AFF1: variants seen among roughly 807,000 people sequenced by gnomAD.
AFF1 encodes the protein AF4/FMR2 family member 1.
A neutral mutation model predicts 121.7 loss-of-function variants in AFF1; 48 were observed. The observed-to-expected ratio is 0.39, with a 90% CI of 0.31 to 0.50. The LOEUF (loss-of-function observed/expected upper bound fraction) is 0.50, where lower values mean the gene tolerates loss of function less well. Among genes scored for constraint, AFF1 ranks in the 20% least tolerant of loss-of-function variants. The pLI, the probability that AFF1 is intolerant of heterozygous loss-of-function variation, is 0.76. For synonymous variants in AFF1, 613 were observed against 563.0 expected, an observed-to-expected ratio of 1.09 and a Z score of -1.26; for missense variants, 1,523 against 1,511.7, an observed-to-expected ratio of 1.01 and a Z score of -0.12.
chr4:87,046,307 A>G (rs1300540560), intron 3 of AFF1, 21 bp downstream of exon 3: 1 of 1,604,086 alleles, frequency 6.2e-7, no homozygotes, highest in South Asian at 1.1e-5. Flanking sequence ...AACACTAGAC[A>G]TTGAAGTCCT....
intron 2 of AFF1, chr4:87,007,349 A>C: frequency 6.2e-7 from 1 of 1,610,910 alleles, no homozygotes; most frequent in South Asian, 1.1e-5. Context: ...CGCTGGCAGC[A>C]GGGCCCGCGG....
At chr4:87,040,045 C>T (rs1416497474) in intron 2 of AFF1, among the ~76,000 whole-genome samples, 1 of 152,156 alleles carries the variant, frequency 6.6e-6, no homozygotes, top group Admixed American at 6.5e-5. Flanking sequence ...GCACGTGCCA[C>T]TACGCCCGGT....
Position 86,984,048 on chromosome 4 carries a change from AAAAG to A in AFF1, c.38+35481_38+35484del, listed in dbSNP as rs1416997194. Reference sequence around the variant, plus strand: ...CGAGACTCCATCTCAAAAAAAAAGAAAAAGAAAAAAGAAATGCTTTGCCAATGTA... The same window carrying A: ...CGAGACTCCATCTCAAAAAAAAAGAAAAAAAAGAAATGCTTTGCCAATGTA... On this transcript the variant is annotated intron_variant, in intron 2 of 20. Coordinates refer to ENST00000395146, the MANE Select transcript of AFF1 (RefSeq NM_001166693.3). 4.6e-5 allele frequency among the ~76,000 whole-genome samples: 7 copies of A among 152,324 alleles called. No individual in the cohort carries two copies. The East Asian group carries it at 7.7e-4, about 17-fold the overall frequency.
At chr4:87,050,217 G>A (rs1731134124) in intron 4 of AFF1, among the ~76,000 whole-genome samples, 1 of 145,202 alleles carries the variant, frequency 6.9e-6, no homozygotes, top group Non-Finnish European at 1.5e-5. Flanking sequence ...GCTGTCTCTT[G>A]GTAGAGCTGG....
intron 4 of AFF1, among the ~76,000 whole-genome samples, chr4:87,066,767 C>G (rs944961033): frequency 1.3e-5 from 2 of 152,184 alleles, no homozygotes; most frequent in South Asian, 4.1e-4. Flanking sequence ...CATTCTCAAC[C>G]CAACCCTGAA....
At position 86,971,840 on chromosome 4, in the gene AFF1, T is replaced by TA. The variant is rs547926101; in HGVS notation, c.38+23272dup. 2.4e-4 allele frequency among the ~76,000 whole-genome samples: 36 copies of TA among 152,198 alleles called. No homozygotes were observed. In the South Asian group the frequency reaches 6.0e-3, roughly 25 times the overall value. On this transcript the variant is annotated intron_variant, in intron 2 of 20. Coordinates refer to ENST00000395146, the MANE Select transcript of AFF1 (RefSeq NM_001166693.3). ...GACAGCAGGTATTTCAACTGGGTGT[T>TA]AAAGTTTGAAGGGGCGCTGGGTAGG...
At chr4:87,127,535 C>T in intron 15 of AFF1, 108 bp from the exon 16 acceptor site, 1 of 975,524 alleles carries the variant, frequency 1.0e-6, no homozygotes, top group Non-Finnish European at 1.6e-6. Flanking sequence ...TTTACCCTCT[C>T]TCCTCCCCTT....
chr4:87,119,406 C>G (rs1036653368), intron 12 of AFF1, among the ~76,000 whole-genome samples: 1 of 151,522 alleles, frequency 6.6e-6, no homozygotes, highest in African/African-American at 2.4e-5. Context: ...CTGTGAGACA[C>G]TGTCTCTGAA....
chr4:87,063,478 A>G (rs1408325941), intron 4 of AFF1, among the ~76,000 whole-genome samples: 1 of 151,934 alleles, frequency 6.6e-6, no homozygotes, highest in East Asian at 1.9e-4. Flanking sequence ...GCCTCAGGTG[A>G]TCCGCCCACC....
At chr4:87,135,489 C>G in intron 20 of AFF1, 91 bp from the exon 21 acceptor site, 1 of 1,337,170 alleles carries the variant, frequency 7.5e-7, no homozygotes, top group South Asian at 1.7e-5. Context: ...TGGGGACCTA[C>G]CTTCTGGAAC....
At chr4:86,946,285 AT>A (rs1720853232) in intron 1 of AFF1, among the ~76,000 whole-genome samples, 1 of 152,100 alleles carries the variant, frequency 6.6e-6, no homozygotes, top group African/African-American at 2.4e-5. Flanking sequence ...ACATCTATAT[AT>A]TTTACTGAAT....
intron 2 of AFF1, among the ~76,000 whole-genome samples, chr4:86,967,205 G>T (rs1466745020): frequency 1.3e-5 from 2 of 152,210 alleles, no homozygotes; most frequent in Admixed American, 1.3e-4. Context: ...GGAAGAGGCA[G>T]TTAGGCAGAA....
intron 1 of AFF1, among the ~76,000 whole-genome samples, chr4:86,940,749 G>T (rs1394380425): frequency 1.3e-5 from 2 of 152,050 alleles, no homozygotes; most frequent in Non-Finnish European, 2.9e-5. Context: ...TTCACAGGGA[G>T]ATTTTATCTT....
Position 87,132,279 on chromosome 4 carries a change from G to C in AFF1, c.3182G>C (p.Cys1061Ser), listed in dbSNP as rs765047252. 1.2e-6 allele frequency: 2 copies of C among 1,612,238 alleles called. No homozygotes were observed. Among genetic ancestry groups the C allele is most frequent in the South Asian group, 1.1e-5 (1 of 90,622 alleles). The stretch of plus-strand genomic sequence containing the variant: ...TCTGTCTTTGTTCATAGCATGCGTT[G>C]CCAGTCCATTTTGAACATGGCGATG... ...EKIFAVLCMR[C>S]QSILNMAMFR... The change falls in exon 19 of 21, where the codon TGC becomes TCC. Residue 1061 changes from cysteine to serine, a missense_variant. By Grantham distance (112) the Cys-to-Ser change is moderately radical (BLOSUM62 -1). Transcript: ENST00000395146.
chr4:87,026,841 G>A (rs1728579498), intron 2 of AFF1, among the ~76,000 whole-genome samples: 1 of 152,116 alleles, frequency 6.6e-6, no homozygotes, highest in African/African-American at 2.4e-5. Flanking sequence ...TTATATACCA[G>A]ATGTAACTCA....
At chr4:87,042,975 T>C (rs1730305582) in intron 2 of AFF1, among the ~76,000 whole-genome samples, 1 of 152,202 alleles carries the variant, frequency 6.6e-6, no homozygotes, top group Non-Finnish European at 1.5e-5. Context: ...GTAATGTAAC[T>C]TCGTTAAAGG....
Position 87,126,300 on chromosome 4 carries a change from A to G in AFF1, c.2775A>G (p.Val925=), listed in dbSNP as rs151021071. 2.5e-5 allele frequency: 40 copies of G among 1,614,038 alleles called. No individual in the cohort carries two copies. Among genetic ancestry groups the G allele is most frequent in the Admixed American group, 8.3e-5 (5 of 60,002 alleles). The change falls in exon 14 of 21, where the codon GTA becomes GTG. Residue 925 remains valine (V), a synonymous_variant. Transcript: ENST00000395146. ...CTTCCATTCCCAAGCAGAGAAGAGT[A>G]GAGGGGAAGGGCTCCAGAAGCTCCT... ...KDSSIPKQRR[V]EGKGSRSSSE...
intron 2 of AFF1, among the ~76,000 whole-genome samples, chr4:87,008,316 C>T (rs539948814): frequency 6.6e-6 from 1 of 152,278 alleles, no homozygotes; most frequent in East Asian, 1.9e-4. Flanking sequence ...GAAGACTTAA[C>T]ACGTCTGAAG....
chr4:87,093,606 C>T (rs1372954529), intron 7 of AFF1, among the ~76,000 whole-genome samples: 2 of 152,132 alleles, frequency 1.3e-5, no homozygotes, highest in East Asian at 1.9e-4. Context: ...GCAAGATGAT[C>T]GTGTGGAGTC....
Sources: gnomAD v4.1 joint callset for allele counts (sites outside exome capture counted in the v4.1 genomes callset) on GRCh38, gnomAD v4.1.1 for gene constraint, MANE v1.5 for transcripts, NCBI Gene and HGNC (gene_info 2026-07-23, HGNC 2026-07-21) for gene names.